HSF2BP: variants seen among roughly 807,000 people sequenced by gnomAD.
The protein encoded by HSF2BP is heat shock factor 2-binding protein.
Under a neutral mutation model 35.0 loss-of-function variants are expected in HSF2BP, and 35 were observed. The ratio of observed to expected loss-of-function variants is 1.00; its 90% CI spans 0.76 to 1.32. HSF2BP has a LOEUF of 1.32. HSF2BP is among the 40% of genes most tolerant of loss of function. The pLI is 0.00. For synonymous variants in HSF2BP, 114 were observed against 117.4 expected (o/e 0.97, Z 0.18); for missense variants, 326 against 321.7 (o/e 1.01, Z -0.10).
rs1220451203 is a variant in HSF2BP, at chr21:43,592,271, G to C, written c.750C>G (p.Ile250Met). Residue 250 changes from isoleucine to methionine, a missense_variant, in exon 8 of 9, where the codon ATC becomes ATG. By Grantham distance (10) the Ile-to-Met change is conservative. Coordinates refer to ENST00000291560, the MANE Select transcript of HSF2BP (RefSeq NM_007031.2). ...VSINLKGLKY[I>M]SESPGFIPLL... ...AAGGGATGAATCCTGGACTCTCGCT[G>C]ATGTATTTCAAGCCTTTCAAATTGA... The C allele has an allele frequency of 1.9e-6, 3 of 1,613,882 alleles. No homozygotes were observed. The highest frequency in any genetic ancestry group is 2.2e-5 in the South Asian group (2 of 91,064).
chr21:43,599,971 G>A (rs2146833634), intron 7 of HSF2BP, among the ~76,000 whole-genome samples: 1 of 151,644 alleles, frequency 6.6e-6, no homozygotes, highest in South Asian at 2.1e-4. Flanking sequence ...CAACTTCCCA[G>A]TCTCTGCAGT....
intron 3 of HSF2BP, among the ~76,000 whole-genome samples, chr21:43,654,297 G>C (rs1380920260): frequency 6.6e-6 from 1 of 152,216 alleles, no homozygotes; most frequent in Admixed American, 6.5e-5. Context: ...CTAAGTCACT[G>C]TGACACAGAA....
intron 3 of HSF2BP, among the ~76,000 whole-genome samples, chr21:43,647,107 T>A (rs2082718588): frequency 6.6e-6 from 1 of 152,228 alleles, no homozygotes; most frequent in Admixed American, 6.5e-5. Flanking sequence ...TATCTGTATG[T>A]CTCATTCTCA....
the HSF2BP span, among the ~76,000 whole-genome samples, chr21:43,506,215 C>A: frequency 8.4e-6 from 1 of 118,402 alleles, no homozygotes; most frequent in African/African-American, 3.3e-5. Context: ...AGGGACCCAT[C>A]TGCGCAAATG....
intron 8 of HSF2BP, among the ~76,000 whole-genome samples, chr21:43,582,395 T>C (rs1223022249): frequency 7.2e-6 from 1 of 139,082 alleles, no homozygotes; most frequent in Non-Finnish European, 1.5e-5. Context: ...GTGAGGGGGA[T>C]GAGGGCCTGC....
At chr21:43,591,247 T>G (rs1168088054) in intron 8 of HSF2BP, among the ~76,000 whole-genome samples, 1 of 152,182 alleles carries the variant, frequency 6.6e-6, no homozygotes, top group Non-Finnish European at 1.5e-5. Flanking sequence ...AAAGATAGCT[T>G]TTTAAAGAAA....
At position 43,637,851 on chromosome 21, in the gene HSF2BP, T is replaced by C. The variant is rs971652626; in HGVS notation, c.292-4430A>G. On this transcript the variant is annotated intron_variant, in intron 4 of 8. Transcript: ENST00000291560. ...AAAAAGGAACTCAGCAAACTAGGAA[T>C]AGAGGGGAACCTTCTCAATTTTATA... Among the ~76,000 whole-genome samples, 12 of 150,058 alleles carry C rather than the reference T, an allele frequency of 8.0e-5. 1 individual carries two copies. Among genetic ancestry groups the C allele is most frequent in the African/African-American group, 2.2e-4 (9 of 40,928 alleles).
At chr21:43,651,732 C>T (rs1016528947) in intron 3 of HSF2BP, among the ~76,000 whole-genome samples, 19 of 152,232 alleles carry the variant, frequency 1.2e-4, no homozygotes, top group African/African-American at 4.6e-4. Context: ...TGCAATCGGT[C>T]CTGCTCAATC....
chr21:43,640,602 C>T (rs1002354945), intron 4 of HSF2BP, among the ~76,000 whole-genome samples: 2 of 152,174 alleles, frequency 1.3e-5, no homozygotes, highest in African/African-American at 4.8e-5. Context: ...CTGGTGAAAC[C>T]TGAAAGTTGT....
At chr21:43,587,526 G>A (rs547336531) in intron 8 of HSF2BP, among the ~76,000 whole-genome samples, 28 of 152,124 alleles carry the variant, frequency 1.8e-4, no homozygotes, top group African/African-American at 5.8e-4. Flanking sequence ...TTAGCCGGGC[G>A]TGGTGGTACA....
rs555648552 is a variant in HSF2BP, at chr21:43,647,142, T to C, written c.188-2750A>G. ...ATACAATAAGAATATATTACTTTTA[T>C]ATTTTTTTAAGCCCAGAGACAGAAA... is the stretch of plus-strand genomic sequence containing the variant. On this transcript the variant is annotated intron_variant, in intron 3 of 8. Coordinates refer to ENST00000291560, the MANE Select transcript of HSF2BP (RefSeq NM_007031.2). 3.3e-5 allele frequency among the ~76,000 whole-genome samples: 5 copies of C among 152,370 alleles called. No homozygotes were observed. In the East Asian group the frequency reaches 9.6e-4, roughly 29 times the overall value.
chr21:43,649,148 G>C (rs540594419), intron 3 of HSF2BP, among the ~76,000 whole-genome samples: 3 of 152,188 alleles, frequency 2.0e-5, no homozygotes, highest in Non-Finnish European at 4.4e-5. Flanking sequence ...TCTGCCTCCT[G>C]GGCTCAAGCG....
chr21:43,638,911 A>C (rs2082600241), intron 4 of HSF2BP, among the ~76,000 whole-genome samples: 2 of 152,364 alleles, frequency 1.3e-5, no homozygotes, highest in Middle Eastern at 3.4e-3. Flanking sequence ...AAGGCTTACT[A>C]TGTCGCTACA....
intron 7 of HSF2BP, among the ~76,000 whole-genome samples, chr21:43,608,289 G>A (rs1265635424): frequency 6.6e-6 from 1 of 152,094 alleles, no homozygotes; most frequent in Non-Finnish European, 1.5e-5. Flanking sequence ...AGCAGGCAAA[G>A]GGCAAGAACA....
intron 8 of HSF2BP, 74 bp downstream of exon 8, chr21:43,592,151 C>T (rs540276716): frequency 2.6e-4 from 240 of 937,718 alleles, no homozygotes; most frequent in Admixed American, 6.4e-4. Flanking sequence ...AAACTTGGAA[C>T]GTATGCCCCG....
chr21:43,633,862 GAGGCAGACACCAAATAAA>G (rs1206795784), intron 4 of HSF2BP, among the ~76,000 whole-genome samples: 4 of 152,196 alleles, frequency 2.6e-5, no homozygotes, highest in Non-Finnish European at 5.9e-5. Flanking sequence ...CCATCTGCCA[GAGGCAGACACCAAATAAA>G]AGGCACTTGG....
intron 8 of HSF2BP, among the ~76,000 whole-genome samples, chr21:43,589,828 G>A (rs955566251): frequency 2.6e-5 from 4 of 151,600 alleles, no homozygotes; most frequent in African/African-American, 7.3e-5. Context: ...CAAAGCAAAC[G>A]ATAAAAATAA....
intron 4 of HSF2BP, among the ~76,000 whole-genome samples, chr21:43,641,635 AT>A (rs1250458660): frequency 6.6e-6 from 1 of 151,756 alleles, no homozygotes; most frequent in Non-Finnish European, 1.5e-5. Flanking sequence ...TTTCCTAGTA[AT>A]TTTTCACTCA....
chr21:43,604,658 C>T lies in HSF2BP; in HGVS notation c.692+9172G>A, dbSNP rs548952605. The stretch of plus-strand genomic sequence containing the variant: ...TACAGCACACACACCACACACACAC[C>T]ACACACACACACCACCACACACCAC... On this transcript the variant is annotated intron_variant, in intron 7 of 8. Transcript: ENST00000291560. 6.5e-3 allele frequency among the ~76,000 whole-genome samples: 905 copies of T among 140,072 alleles called. 10 individuals carry two copies. Among genetic ancestry groups the T allele is most frequent in the African/African-American group, 0.024 (850 of 35,594 alleles). 91.9% of individuals were successfully genotyped at this position (140,072 alleles called of 152,430 possible).
Sources: allele counts gnomAD v4.1 joint callset (sites outside exome capture counted in the v4.1 genomes callset), GRCh38; gene constraint gnomAD v4.1.1; transcripts MANE v1.5; gene names NCBI Gene and HGNC (gene_info 2026-07-23, HGNC 2026-07-21).